Variants in HDAC1 observed in about 807,000 individuals in gnomAD.
HDAC1 encodes the protein protein deacetylase HDAC1.
A neutral mutation model predicts 65.5 loss-of-function variants in HDAC1; 18 were observed. The ratio of observed to expected loss-of-function variants is 0.27; its 90% CI spans 0.19 to 0.41. The LOEUF (loss-of-function observed/expected upper bound fraction) is 0.41. Ranked by LOEUF, HDAC1 falls within the 10% of genes least tolerant of loss-of-function variation. The pLI is 1.00. For synonymous variants in HDAC1, 211 were observed against 227.9 expected (o/e 0.93, Z 0.67); for missense variants, 373 against 625.2 (o/e 0.60, Z 4.30).
chr1:32,333,144 AT>A lies in HDAC1; in HGVS notation c.*103del. On this transcript the variant is annotated 3_prime_UTR_variant, in exon 14 of 14. Transcript: ENST00000373548. Reference sequence around the variant, plus strand: ...TATTTCTCTGTGTATTTATATAAAAATTTATTAAATATAAATATCCCCAGGG... The same window carrying A: ...TATTTCTCTGTGTATTTATATAAAAATTATTAAATATAAATATCCCCAGGG... The A allele has an allele frequency of 1.0e-6, 1 of 979,426 alleles. No homozygotes were observed. Among genetic ancestry groups the A allele is most frequent in the Non-Finnish European group, 1.5e-6 (1 of 664,740 alleles). 60.7% of individuals were successfully genotyped at this position (979,426 alleles called of 1,614,324 possible).
In HDAC1 at chr1:32,333,194, A is replaced by G. The variant is rs1641323572; in HGVS notation, c.*150A>G. 3.2e-6 allele frequency: 2 copies of G among 622,558 alleles called. No individual in the cohort carries two copies. The highest frequency in any genetic ancestry group is 6.2e-5 in the Admixed American group (2 of 32,504). 38.6% of individuals were successfully genotyped at this position (622,558 alleles called of 1,614,324 possible). On this transcript the variant is annotated 3_prime_UTR_variant, in exon 14 of 14. Coordinates refer to ENST00000373548, the MANE Select transcript of HDAC1 (RefSeq NM_004964.3). ...GGACAGAAACCAAGGCCCCGAGCTC[A>G]GGGCAGCTGTGCTGGGTGAGCTCTT...
intron 2 of HDAC1, among the ~76,000 whole-genome samples, chr1:32,312,045 G>A (rs75994582): frequency 2.0e-5 from 3 of 152,154 alleles, no homozygotes; most frequent in African/African-American, 7.2e-5. Flanking sequence ...GGGTCTCACT[G>A]TGTTTGCCCA....
intron 1 of HDAC1, among the ~76,000 whole-genome samples, chr1:32,292,948 C>G (rs1640717988): frequency 6.6e-6 from 1 of 152,162 alleles, no homozygotes; most frequent in African/African-American, 2.4e-5. Flanking sequence ...ACCTGAAGAA[C>G]AGGAGTTCTT....
chr1:32,331,898 C>T lies in HDAC1; in HGVS notation c.1219+92C>T, dbSNP rs1370024137. ...CTGGCTGCACACTCCCTCCAAGCTCCCCACCTGTAGAGAAATCTGTTTTCG... is the reference window on the plus strand; with the variant it reads ...CTGGCTGCACACTCCCTCCAAGCTCTCCACCTGTAGAGAAATCTGTTTTCG... On this transcript the variant is annotated intron_variant, in intron 11 of 13. Transcript: ENST00000373548. The surrounding 1 kb of genome is among the most constrained non-coding windows in gnomAD (Gnocchi z 4.2). The T allele has an allele frequency of 2.0e-6, 3 of 1,490,072 alleles. No homozygotes were observed. Among genetic ancestry groups the T allele is most frequent in the Non-Finnish European group, 2.7e-6 (3 of 1,103,710 alleles). The allele number at this position is 1,490,072 out of a possible 1,614,324, so 92.3% of individuals were successfully genotyped here.
chr1:32,302,611 T>G lies in HDAC1; in HGVS notation c.50-10T>G. ...CTGTGTTAGTGAAGCTGTCACTCTCTCTTCTTCAGGGGATGTTGGAAATTA... is the reference window on the plus strand; with the variant it reads ...CTGTGTTAGTGAAGCTGTCACTCTCGCTTCTTCAGGGGATGTTGGAAATTA... On this transcript the variant is annotated splice_polypyrimidine_tract_variant and intron_variant, in intron 1 of 13. Transcript: ENST00000373548. 7.2e-7 allele frequency: 1 copy of G among 1,390,600 alleles called. No homozygotes were observed. Among genetic ancestry groups the G allele is most frequent in the Non-Finnish European group, 1.0e-6 (1 of 975,638 alleles). 86.1% of individuals were successfully genotyped at this position (1,390,600 alleles called of 1,614,324 possible).
chr1:32,302,784 C>G, intron 2 of HDAC1, 51 bp downstream of exon 2: 1 of 817,692 alleles, frequency 1.2e-6, no homozygotes, highest in East Asian at 2.4e-5. Flanking sequence ...CTCTGGTTCC[C>G]CATATGCCAT....
At chr1:32,294,913 C>T (rs1187426766) in intron 1 of HDAC1, among the ~76,000 whole-genome samples, 1 of 150,412 alleles carries the variant, frequency 6.6e-6, no homozygotes, top group Non-Finnish European at 1.5e-5. Context: ...GCAATCCTGC[C>T]ACCTTGGCCT....
chr1:32,312,415 CA>C (rs1641002529), intron 2 of HDAC1, among the ~76,000 whole-genome samples: 1 of 152,176 alleles, frequency 6.6e-6, no homozygotes, highest in Admixed American at 6.5e-5. Flanking sequence ...GGCTGGAGTG[CA>C]GTGGCATGAC....
chr1:32,316,348 C>G (rs772509179), intron 2 of HDAC1, among the ~76,000 whole-genome samples: 5 of 152,158 alleles, frequency 3.3e-5, no homozygotes, highest in African/African-American at 4.8e-5. Flanking sequence ...ACAACCTCTT[C>G]CAATTCTCTC....
intron 11 of HDAC1, 24 bp from the exon 12 acceptor site, chr1:32,332,066 C>T (rs1458078969): frequency 1.9e-6 from 3 of 1,560,090 alleles, no homozygotes; most frequent in Non-Finnish European, 2.6e-6. Flanking sequence ...TGCCCTCTCA[C>T]CCATGCTTCC....
In HDAC1 at chr1:32,331,960, A is replaced by G; in HGVS notation, c.1220-130A>G. 1 of 1,380,888 alleles carries G rather than the reference A, an allele frequency of 7.2e-7. No individual in the cohort carries two copies. 85.5% of individuals were successfully genotyped at this position (1,380,888 alleles called of 1,614,324 possible). On this transcript the variant is annotated intron_variant, in intron 11 of 13. Transcript: ENST00000373548. The surrounding 1 kb of genome is among the most constrained non-coding windows in gnomAD (Gnocchi z 4.2). The stretch of plus-strand genomic sequence containing the variant: ...CTGTAGGAACAGGTTAGGGAGCCCG[A>G]GTTCCTCCCTCTTCTGGTTCCCTTT...
Position 32,331,430 on chromosome 1 carries a change from C to A in HDAC1, c.980-44C>A. 1 of 1,100,542 alleles carries A rather than the reference C, an allele frequency of 9.1e-7. No individual in the cohort carries two copies. Among genetic ancestry groups the A allele is most frequent in the Non-Finnish European group, 1.4e-6 (1 of 712,574 alleles). 68.2% of individuals were successfully genotyped at this position (1,100,542 alleles called of 1,614,324 possible). On this transcript the variant is annotated intron_variant, in intron 9 of 13. Transcript: ENST00000373548. This position sits in a 1 kb window ranked among gnomAD's most constrained non-coding sequence, Gnocchi z 4.2. ...TGCTTACGTGCAAATGGTTAGGGTG[C>A]GGTGGCCAGGTCTCTTGACGGTCTT...
At chr1:32,310,808 C>CCATT (rs1375708775) in intron 2 of HDAC1, among the ~76,000 whole-genome samples, 2 of 150,368 alleles carry the variant, frequency 1.3e-5, no homozygotes, top group African/African-American at 2.5e-5. Flanking sequence ...CAAGATTGTG[C>CCATT]CATTGCACTG....
chr1:32,294,078 A>C (rs1215874880), intron 1 of HDAC1, among the ~76,000 whole-genome samples: 1 of 152,078 alleles, frequency 6.6e-6, no homozygotes, highest in African/African-American at 2.4e-5. Flanking sequence ...AAAAAAAAAA[A>C]AAACAAAAAA....
In HDAC1 at chr1:32,326,994, G is replaced by C; in HGVS notation, c.411G>C (p.Gly137=). ...CGGACATCGCTGTGAATTGGGCTGGGGGCCTGCACCATGCAAAGAAGTCCG... is the reference window on the plus strand; with the variant it reads ...CGGACATCGCTGTGAATTGGGCTGGCGGCCTGCACCATGCAAAGAAGTCCG... ...QQTDIAVNWA[G]GLHHAKKSEA... is the part of the protein sequence containing the mutation. The change falls in exon 5 of 14, where the codon GGG becomes GGC. Residue 137 remains glycine, a synonymous_variant. Coordinates refer to ENST00000373548, the MANE Select transcript of HDAC1 (RefSeq NM_004964.3). 4 of 1,614,092 alleles carry C rather than the reference G, an allele frequency of 2.5e-6. No homozygotes were observed. Among genetic ancestry groups the C allele is most frequent in the Non-Finnish European group, 3.4e-6 (4 of 1,179,998 alleles).
chr1:32,317,221 GCC>G (rs1297962085), intron 3 of HDAC1, among the ~76,000 whole-genome samples: 1 of 152,170 alleles, frequency 6.6e-6, no homozygotes, highest in Non-Finnish European at 1.5e-5. Flanking sequence ...GAATTTAGAG[GCC>G]ACTCAGGACA....
rs890605185 is a variant in HDAC1, at chr1:32,332,717, G to A, written c.1389G>A (p.Glu463=). Residue 463 remains glutamate, a synonymous_variant, in exon 13 of 14, where the codon GAG becomes GAA. Transcript: ENST00000373548. ...PEEKKEVTEE[E]KTKEEKPEAK... ...GTGTTCTAGAAGTCACCGAAGAGGAGAAAACCAAGGAGGAGAAGCCAGAAG... is the reference window on the plus strand; with the variant it reads ...GTGTTCTAGAAGTCACCGAAGAGGAAAAAACCAAGGAGGAGAAGCCAGAAG... 7.1e-5 allele frequency: 110 copies of A among 1,555,472 alleles called. 1 individual carries two copies. The highest frequency in any genetic ancestry group is 9.1e-5 in the Non-Finnish European group (105 of 1,148,988).
Position 32,327,455 on chromosome 1 carries a change from C to A in HDAC1, c.495-81C>A. ...AGAGATACCTGAGGGAGGCAGCCAG[C>A]CCGGTAAGCTGGGAGCTAGCGCCCT... On this transcript the variant is annotated intron_variant, in intron 5 of 13. Coordinates refer to ENST00000373548, the MANE Select transcript of HDAC1 (RefSeq NM_004964.3). This position sits in a 1 kb window ranked among gnomAD's most constrained non-coding sequence, Gnocchi z 6.0. The A allele has an allele frequency of 9.3e-7, 1 of 1,071,128 alleles. No individual in the cohort carries two copies. Among genetic ancestry groups the A allele is most frequent in the Non-Finnish European group, 1.4e-6 (1 of 703,158 alleles). The allele number at this position is 1,071,128 out of a possible 1,614,324, so 66.4% of individuals were successfully genotyped here.
At chr1:32,310,330 GT>G (rs1470010964) in intron 2 of HDAC1, among the ~76,000 whole-genome samples, 2 of 152,142 alleles carry the variant, frequency 1.3e-5, no homozygotes, top group African/African-American at 4.8e-5. Flanking sequence ...TCCAAGCCAG[GT>G]TAAAGAGTTT....
Sources: gnomAD v4.1 joint callset for allele counts (sites outside exome capture counted in the v4.1 genomes callset) on GRCh38, gnomAD v4.1.1 for gene constraint, Gnocchi (gnomAD v3.1) non-coding constraint, MANE v1.5 for transcripts, NCBI Gene and HGNC (gene_info 2026-07-23, HGNC 2026-07-21) for gene names.